NTM: variants seen among roughly 807,000 people sequenced by gnomAD.
NTM encodes the protein neurotrimin.
A neutral mutation model predicts 42.1 loss-of-function variants in NTM; 13 were observed. The observed-to-expected ratio is 0.31, with a 90% CI of 0.20 to 0.49. The LOEUF (loss-of-function observed/expected upper bound fraction) is 0.49, where lower values mean the gene tolerates loss of function less well. Ranked by LOEUF, NTM falls within the 20% of genes least tolerant of loss-of-function variation. The pLI is 0.99. For synonymous variants in NTM, 187 were observed against 179.2 expected, an observed-to-expected ratio of 1.04 and a Z score of -0.35; for missense variants, 373 against 452.8, an observed-to-expected ratio of 0.82 and a Z score of 1.60.
At chr11:131,409,897 A>G (rs529598417) in intron 1 of NTM, among the ~76,000 whole-genome samples, 1 of 152,290 alleles carries the variant, frequency 6.6e-6, no homozygotes, top group South Asian at 2.1e-4. Flanking sequence ...AAAAGGGCTA[A>G]TCTTTTGTTA....
At position 132,335,422 on chromosome 11, in the gene NTM, A is replaced by G; in HGVS notation, c.*276A>G. The G allele has an allele frequency of 2.6e-6, 1 of 389,202 alleles. No homozygotes were observed. The highest frequency in any genetic ancestry group is 4.8e-6 in the Non-Finnish European group (1 of 209,594). The allele number at this position is 389,202 out of a possible 1,614,324, so 24.1% of individuals were successfully genotyped here. A position where few individuals can be genotyped will look rare whatever the true frequency, so the allele number is the denominator to read the frequency against. ...AACACAGCACACCCGGCTTGGACCC[A>G]CTGCAAGCTGCATCGTGCAACCTCT... is the stretch of plus-strand genomic sequence containing the variant. On this transcript the variant is annotated 3_prime_UTR_variant, in exon 9 of 9. Transcript: ENST00000683400.
At chr11:131,525,429 A>T (rs776125663) in intron 1 of NTM, among the ~76,000 whole-genome samples, 1 of 152,198 alleles carries the variant, frequency 6.6e-6, no homozygotes, top group Non-Finnish European at 1.5e-5. Flanking sequence ...TTGCTGAATG[A>T]TGATGTGGAG....
intron 1 of NTM, among the ~76,000 whole-genome samples, chr11:131,642,777 A>AT (rs1297317831): frequency 2.0e-5 from 3 of 151,964 alleles, no homozygotes; most frequent in Admixed American, 2.0e-4. Context: ...TTCACCCACT[A>AT]TTTTTTTCAT....
chr11:131,399,346 T>C (rs778398487), intron 1 of NTM, among the ~76,000 whole-genome samples: 21 of 152,032 alleles, frequency 1.4e-4, no homozygotes, highest in Admixed American at 7.9e-4. Context: ...AGTCCTGCAG[T>C]GAGATTAATG....
chr11:131,710,454 C>A (rs188165731), intron 1 of NTM, among the ~76,000 whole-genome samples: 378 of 152,224 alleles, frequency 2.5e-3, no homozygotes, highest in African/African-American at 8.4e-3. Context: ...GAGTTGCTCT[C>A]CCAGAGTCTT....
intron 4 of NTM, among the ~76,000 whole-genome samples, chr11:132,268,694 G>GTGTT (rs2093340169): frequency 6.6e-6 from 1 of 151,586 alleles, no homozygotes; most frequent in African/African-American, 2.4e-5. Context: ...GTGTGTGTGT[G>GTGTT]TGTGTTTTAG....
chr11:131,725,551 G>GC (rs2078860757), intron 1 of NTM, among the ~76,000 whole-genome samples: 1 of 152,106 alleles, frequency 6.6e-6, no homozygotes, highest in African/African-American at 2.4e-5. Context: ...AGAGGAGGCA[G>GC]CCCCAAAAAG....
At chr11:131,527,660 C>T (rs1310003635) in intron 1 of NTM, among the ~76,000 whole-genome samples, 2 of 152,192 alleles carry the variant, frequency 1.3e-5, no homozygotes, top group Non-Finnish European at 2.9e-5. Flanking sequence ...CTATTTCTAA[C>T]ATCCCAGAGT....
intron 2 of NTM, among the ~76,000 whole-genome samples, chr11:132,137,281 G>A (rs2068113683): frequency 6.6e-6 from 1 of 152,188 alleles, no homozygotes; most frequent in Admixed American, 6.5e-5. Context: ...ATGGAGGAGA[G>A]CCTGCAGATG....
chr11:132,008,739 G>GT lies in NTM; in HGVS notation c.167+97099dup, dbSNP rs927163216. ...CATTTTCAATGACTCCATGGTTTTT[G>GT]TTTTTTTTGTCCTTTCTGTCTTGCC... On this transcript the variant is annotated intron_variant, in intron 2 of 8. Transcript: ENST00000683400. Among the ~76,000 whole-genome samples, 21 of 151,184 alleles carry GT rather than the reference G, an allele frequency of 1.4e-4. No homozygotes were observed. In the Middle Eastern group the frequency reaches 0.014, roughly 99 times the overall value.
At chr11:131,895,922 G>A (rs2052193977) in intron 1 of NTM, among the ~76,000 whole-genome samples, 1 of 152,166 alleles carries the variant, frequency 6.6e-6, no homozygotes, top group African/African-American at 2.4e-5. Flanking sequence ...AACTTTCCAA[G>A]AAGAACGTCT....
intron 1 of NTM, among the ~76,000 whole-genome samples, chr11:131,849,613 C>T (rs1021855155): frequency 6.6e-6 from 1 of 152,020 alleles, no homozygotes; most frequent in East Asian, 1.9e-4. Flanking sequence ...ATGTGAGATT[C>T]GAGCAGGGCC....
At chr11:132,270,389 C>T (rs1186639543) in intron 4 of NTM, among the ~76,000 whole-genome samples, 1 of 151,870 alleles carries the variant, frequency 6.6e-6, no homozygotes, top group African/African-American at 2.4e-5. Context: ...CACCAATGCC[C>T]AGCTAATTTT....
chr11:132,294,649 G>T (rs971950855), intron 4 of NTM, among the ~76,000 whole-genome samples: 2 of 152,120 alleles, frequency 1.3e-5, no homozygotes, highest in African/African-American at 2.4e-5. Context: ...CACTGTCAAT[G>T]GCAGGCAAAG....
rs566320018 is a variant in NTM at position 131,522,145 on chromosome 11, G to T, written c.82+151257G>T. Among the ~76,000 whole-genome samples the T allele has an allele frequency of 3.9e-5, 6 of 152,190 alleles. No individual in the cohort carries two copies. The East Asian group carries it at 1.2e-3, about 29-fold the overall frequency. On this transcript the variant is annotated intron_variant, in intron 1 of 8. Transcript: ENST00000683400. ...CTTCGTCAACGTATGTTAATTTACT[G>T]CTTGGGTCATCCGGGATCTCTTCCC...
intron 2 of NTM, among the ~76,000 whole-genome samples, chr11:132,139,900 A>C (rs1391200622): frequency 6.6e-6 from 1 of 152,222 alleles, no homozygotes; most frequent in Non-Finnish European, 1.5e-5. Context: ...CACAAGTGAA[A>C]ATAAGACATG....
At chr11:132,313,171 CA>C (rs5795771) in intron 6 of NTM, among the ~76,000 whole-genome samples, 73,996 of 151,844 alleles carry the variant, frequency 0.49, 18,604 homozygotes, top group Non-Finnish European at 0.56. Context: ...CACTCTATGC[CA>C]AAAAACACTG....
At chr11:131,953,654 G>A (rs1159829848) in intron 2 of NTM, among the ~76,000 whole-genome samples, 1 of 152,080 alleles carries the variant, frequency 6.6e-6, no homozygotes. Flanking sequence ...CATTAAATCT[G>A]GCTGAGGCTC....
intron 7 of NTM, among the ~76,000 whole-genome samples, chr11:132,318,233 C>CTCTT (rs1275742770): frequency 1.3e-5 from 2 of 152,160 alleles, no homozygotes; most frequent in South Asian, 2.1e-4. Flanking sequence ...CGTCCAGTAG[C>CTCTT]TCTTTGGTCT....
Sources: allele counts gnomAD v4.1 joint callset (sites outside exome capture counted in the v4.1 genomes callset), GRCh38; gene constraint gnomAD v4.1.1; transcripts MANE v1.5; gene names NCBI Gene and HGNC (gene_info 2026-07-23, HGNC 2026-07-21).